PGD: variants seen among roughly 807,000 people sequenced by gnomAD.
The protein encoded by PGD is 6-phosphogluconate dehydrogenase, decarboxylating.
Under a neutral mutation model 60.4 loss-of-function variants are expected in PGD, and 21 were observed. That is an observed-to-expected ratio of 0.35 (90% CI 0.25 to 0.50). The LOEUF (loss-of-function observed/expected upper bound fraction) is 0.50, where lower values mean the gene tolerates loss of function less well. Ranked by LOEUF, PGD falls within the 20% of genes least tolerant of loss-of-function variation. The pLI is 0.98. For synonymous variants in PGD, 230 were observed against 235.9 expected (o/e 0.97, Z 0.23); for missense variants, 477 against 613.1 (o/e 0.78, Z 2.34).
At chr1:10,402,701 T>G (rs1639336199) in intron 3 of PGD, among the ~76,000 whole-genome samples, 1 of 151,828 alleles carries the variant, frequency 6.6e-6, no homozygotes, top group Non-Finnish European at 1.5e-5. Flanking sequence ...TTTTTCGTAT[T>G]TTTAGTAGAG....
rs1274929218 is a variant in PGD, at chr1:10,404,268, C to T, written c.438C>T (p.Asn146=). 1.9e-6 allele frequency: 3 copies of T among 1,606,102 alleles called. No individual in the cohort carries two copies. Among genetic ancestry groups the T allele is most frequent in the Non-Finnish European group, 2.6e-6 (3 of 1,174,530 alleles). ...RYGPSLMPGG[N]KEAWPHIKTI... ...GCCCATCGCTCATGCCAGGAGGGAA[C>T]AAAGAAGCGTGGTGAGTGCCATCAG... The change falls in exon 5 of 13, where the codon AAC becomes AAT. Residue 146 remains asparagine (N), a synonymous_variant. Coordinates refer to ENST00000270776, the MANE Select transcript of PGD (RefSeq NM_002631.4).
chr1:10,408,034 CTT>C, intron 5 of PGD, 35 bp from the exon 6 acceptor site: 3 of 1,275,460 alleles, frequency 2.4e-6, no homozygotes, highest in Non-Finnish European at 3.4e-6. Flanking sequence ...CAGCCCGTCT[CTT>C]CTCATTAACT....
chr1:10,419,380 C>T, intron 11 of PGD, 37 bp from the exon 12 acceptor site: 1 of 1,599,086 alleles, frequency 6.3e-7, no homozygotes, highest in Non-Finnish European at 8.5e-7. Context: ...TCACCAGGGG[C>T]AGATCACTAA....
chr1:10,412,564 A>C (rs1377318414), intron 7 of PGD, among the ~76,000 whole-genome samples: 1 of 152,234 alleles, frequency 6.6e-6, no homozygotes, highest in East Asian at 1.9e-4. Context: ...TATATATAAT[A>C]CTTAACGTGT....
intron 5 of PGD, among the ~76,000 whole-genome samples, chr1:10,407,173 C>CA (rs1471481686): frequency 2.6e-5 from 4 of 152,168 alleles, no homozygotes; most frequent in Non-Finnish European, 5.9e-5. Flanking sequence ...ATTAGCCAGG[C>CA]ATGGTGGCTC....
rs1639341490 is a variant in PGD at position 10,403,075 on chromosome 1, C to T, written c.269C>T (p.Pro90Leu). ...AVDDFIEKLVPLLDTGDIIID... is the reference protein window; with the variant it reads ...AVDDFIEKLVLLLDTGDIIID... ...AATGCTGGTGTCTGGTTACAGGTACCATTGTTGGATACTGGTGACATCATC... is the reference window on the plus strand; with the variant it reads ...AATGCTGGTGTCTGGTTACAGGTACTATTGTTGGATACTGGTGACATCATC... Residue 90 changes from proline to leucine, a missense_variant, in exon 4 of 13, where the codon CCA (proline) becomes CTA (leucine). Transcript: ENST00000270776. 6.2e-7 allele frequency: 1 copy of T among 1,604,918 alleles called. No individual in the cohort carries two copies. Among genetic ancestry groups the T allele is most frequent in the African/African-American group, 1.3e-5 (1 of 74,652 alleles).
rs756699070 is a variant in PGD, at chr1:10,399,078, C to T, written c.-40C>T. On this transcript the variant is annotated 5_prime_UTR_variant, in exon 1 of 13. Coordinates refer to ENST00000270776, the MANE Select transcript of PGD (RefSeq NM_002631.4). ...TGCGGGTCTTTCCCTCACTCGTCCT[C>T]CGCGCGTCGCCGCTCTTCGGTTCTG... 3.7e-6 allele frequency: 6 copies of T among 1,608,660 alleles called. No homozygotes were observed. Among genetic ancestry groups the T allele is most frequent in the East Asian group, 4.5e-5 (2 of 44,846 alleles).
intron 5 of PGD, among the ~76,000 whole-genome samples, chr1:10,407,101 G>A (rs1374996515): frequency 1.3e-5 from 2 of 151,974 alleles, no homozygotes. Flanking sequence ...TGCTTGATCC[G>A]AGGAGTTCAA....
intron 5 of PGD, among the ~76,000 whole-genome samples, chr1:10,404,911 A>G (rs1639375565): frequency 6.6e-6 from 1 of 152,180 alleles, no homozygotes; most frequent in Admixed American, 6.6e-5. Context: ...ACTTAATGTG[A>G]TAATCGTGGG....
intron 5 of PGD, among the ~76,000 whole-genome samples, chr1:10,405,390 C>CA (rs1489085191): frequency 1.8e-5 from 1 of 54,984 alleles, no homozygotes; most frequent in Non-Finnish European, 3.8e-5. Context: ...CAAAACAAAA[C>CA]AAACAAAAAA....
rs1433955518 is a variant in PGD at position 10,419,429 on chromosome 1, C to T, written c.1222C>T (p.Arg408Trp). The T allele has an allele frequency of 1.5e-5, 24 of 1,613,286 alleles. No homozygotes were observed. The highest frequency in any genetic ancestry group is 8.3e-5 in the Admixed American group (5 of 59,952). Residue 408 changes from arginine (R) to tryptophan (W), a missense_variant, in exon 12 of 13, where the codon CGG becomes TGG. Transcript: ENST00000270776. ...AVENCQDSWRRAVSTGVQAGI... is the reference protein window; with the variant it reads ...AVENCQDSWRWAVSTGVQAGI... ...GTTTTGTGCTCAGGACTCCTGGCGG[C>T]GGGCAGTCAGCACTGGGGTCCAGGC...
At chr1:10,403,530 GCA>G (rs1346262088) in intron 4 of PGD, among the ~76,000 whole-genome samples, 1 of 146,162 alleles carries the variant, frequency 6.8e-6, no homozygotes, top group African/African-American at 2.5e-5. Context: ...GGCAGAAGTT[GCA>G]GTGAGCCGAG....
At chr1:10,407,143 C>T (rs1461477522) in intron 5 of PGD, among the ~76,000 whole-genome samples, 1 of 152,146 alleles carries the variant, frequency 6.6e-6, no homozygotes, top group Non-Finnish European at 1.5e-5. Context: ...GAGACCCCAT[C>T]TCTGCACCAC....
chr1:10,399,242 C>G (rs113966481), intron 1 of PGD, 117 bp downstream of exon 1: 2 of 1,207,510 alleles, frequency 1.7e-6, no homozygotes, highest in Middle Eastern at 2.5e-4. Flanking sequence ...CCTGAGCTCA[C>G]TTGGGGCTCT....
intron 8 of PGD, among the ~76,000 whole-genome samples, chr1:10,414,867 C>T (rs528126194): frequency 2.6e-5 from 4 of 151,508 alleles, no homozygotes; most frequent in Admixed American, 6.6e-5. Flanking sequence ...CCGAGGTGGG[C>T]GGATCACGAG....
At position 10,404,288 on chromosome 1, in the gene PGD, C is replaced by T. The variant is rs373262994; in HGVS notation, c.449+9C>T. 6.5e-6 allele frequency: 10 copies of T among 1,535,784 alleles called. No homozygotes were observed. The East Asian group carries it at 6.8e-5, about 10-fold the overall frequency. On this transcript the variant is annotated intron_variant, in intron 5 of 12. Coordinates refer to ENST00000270776, the MANE Select transcript of PGD (RefSeq NM_002631.4). ...GGGAACAAAGAAGCGTGGTGAGTGC[C>T]ATCAGCACTGTGCCCATCTCTGTAC...
chr1:10,405,864 T>A (rs1419564968), intron 5 of PGD, among the ~76,000 whole-genome samples: 1 of 152,038 alleles, frequency 6.6e-6, no homozygotes, highest in Non-Finnish European at 1.5e-5. Flanking sequence ...ATTCTTTTTT[T>A]GAGACGGAGT....
intron 10 of PGD, 53 bp from the exon 11 acceptor site, chr1:10,418,773 C>CAAA (rs370777082): frequency 1.1e-3 from 865 of 783,828 alleles, no homozygotes; most frequent in African/African-American, 1.7e-3. Context: ...GACTCCGTCT[C>CAAA]AAAAAAAAAA....
Position 10,419,742 on chromosome 1 carries a change from A to T in PGD, c.1445A>T (p.Asn482Ile), listed in dbSNP as rs533965169. 6.2e-7 allele frequency: 1 copy of T among 1,614,204 alleles called. No homozygotes were observed. The highest frequency in any genetic ancestry group is 8.5e-7 in the Non-Finnish European group (1 of 1,180,028). The part of the protein sequence containing the change: ...HGGTVSSSSY[N>I]A ...GGCACCGTGTCATCCTCGTCATACA[A>T]TGCCTGATCATGCTGCTCCTGTCAC... Residue 482 changes from asparagine to isoleucine, a missense_variant, in exon 13 of 13, where the codon AAT becomes ATT. By Grantham distance (149) the Asn-to-Ile change is moderately radical (BLOSUM62 -3). Around this residue, in one of 3 missense-constraint regions of PGD, gnomAD observed 44 missense variants for 40.3 expected, o/e 1.09. Transcript: ENST00000270776.
Sources: allele counts gnomAD v4.1 joint callset (sites outside exome capture counted in the v4.1 genomes callset), GRCh38; gene constraint gnomAD v4.1.1; regional missense constraint gnomAD v4.1.1; transcripts MANE v1.5; gene names NCBI Gene and HGNC (gene_info 2026-07-23, HGNC 2026-07-21).